The following MYH10 variants were observed in gnomAD, a reference collection of about 807,000 sequenced individuals.
MYH10 encodes myosin heavy chain 10, also known as myosin-10.
MYH10 carries 55 observed loss-of-function variants against 257.8 expected under a neutral mutation model. The ratio of observed to expected loss-of-function variants is 0.21; its 90% CI spans 0.17 to 0.27. MYH10 has a LOEUF of 0.27. MYH10 is among the 10% of genes least tolerant of loss of function. MYH10 has a pLI of 1.00. For synonymous variants in MYH10, 854 were observed against 921.7 expected, an observed-to-expected ratio of 0.93 and a Z score of 1.33; for missense variants, 1,631 against 2,500.6, an observed-to-expected ratio of 0.65 and a Z score of 7.42.
At position 8,477,158 on chromosome 17, in the gene MYH10, C is replaced by A; in HGVS notation, c.5707-110G>T. 1.6e-6 allele frequency: 2 copies of A among 1,237,000 alleles called. No individual in the cohort carries two copies. Among genetic ancestry groups the A allele is most frequent in the Non-Finnish European group, 2.3e-6 (2 of 883,658 alleles). 76.6% of individuals were successfully genotyped at this position (1,237,000 alleles called of 1,614,324 possible). A position where few individuals can be genotyped will look rare whatever the true frequency, so the allele number is the denominator to read the frequency against. On this transcript the variant is annotated intron_variant, in intron 41 of 42. Transcript: ENST00000360416. This position sits in a 1 kb window ranked among gnomAD's most constrained non-coding sequence, Gnocchi z 4.2. Reference sequence around the variant, plus strand: ...GCTCTGCCTGTTACCCTTGTGAGCACGCGTGTACACGGATGTACACGCGTG... The same window carrying A: ...GCTCTGCCTGTTACCCTTGTGAGCAAGCGTGTACACGGATGTACACGCGTG...
At position 8,535,654 on chromosome 17, in the gene MYH10, T is replaced by A; in HGVS notation, c.1779+104A>T. Reference sequence around the variant, plus strand: ...ATATGTTTGTAATATATACTGTATTTGTTTATAAATGTTTATCAGCACCTT... The same window carrying A: ...ATATGTTTGTAATATATACTGTATTAGTTTATAAATGTTTATCAGCACCTT... On this transcript the variant is annotated intron_variant, in intron 15 of 42. Coordinates refer to ENST00000360416, the MANE Select transcript of MYH10 (RefSeq NM_001256012.3). The surrounding 1 kb of genome is among the most constrained non-coding windows in gnomAD (Gnocchi z 4.3). 1.6e-6 allele frequency: 2 copies of A among 1,280,674 alleles called. No homozygotes were observed. The highest frequency in any genetic ancestry group is 3.0e-5 in the African/African-American group (2 of 67,132). 79.3% of individuals were successfully genotyped at this position (1,280,674 alleles called of 1,614,324 possible).
At chr17:8,549,282 C>A (rs954631009) in intron 9 of MYH10, among the ~76,000 whole-genome samples, 1 of 152,174 alleles carries the variant, frequency 6.6e-6, no homozygotes, top group African/African-American at 2.4e-5. Flanking sequence ...CGTCCCGAGC[C>A]CAGCAAAGGC....
At chr17:8,602,777 G>A (rs2084660349) in intron 3 of MYH10, among the ~76,000 whole-genome samples, 2 of 152,110 alleles carry the variant, frequency 1.3e-5, no homozygotes, top group Non-Finnish European at 2.9e-5. Flanking sequence ...TATACACTTT[G>A]TTGGTCAAGT....
intron 30 of MYH10, among the ~76,000 whole-genome samples, chr17:8,497,738 CAAAAAAA>C (rs559562540): frequency 1.8e-5 from 1 of 56,874 alleles, no homozygotes; most frequent in Non-Finnish European, 2.9e-5. Context: ...GACTCTGTCT[CAAAAAAA>C]AAAAAAAAAA....
At chr17:8,492,222 C>T in intron 34 of MYH10, 75 bp downstream of exon 34, 1 of 1,448,814 alleles carries the variant, frequency 6.9e-7, no homozygotes. Context: ...TGAGGAGTCG[C>T]CCGCTCCTGT....
intron 1 of MYH10, among the ~76,000 whole-genome samples, chr17:8,626,020 A>C (rs1415146722): frequency 6.6e-6 from 1 of 152,252 alleles, no homozygotes; most frequent in East Asian, 1.9e-4. Context: ...AAAAACCGCA[A>C]AATAAGATGA....
At chr17:8,599,739 C>A (rs1313829139) in intron 3 of MYH10, among the ~76,000 whole-genome samples, 1 of 152,126 alleles carries the variant, frequency 6.6e-6, no homozygotes, top group Non-Finnish European at 1.5e-5. Flanking sequence ...ATGTTAGGAG[C>A]CTATAAAAAG....
chr17:8,546,229 T>C (rs1463364577), intron 12 of MYH10, among the ~76,000 whole-genome samples: 1 of 152,066 alleles, frequency 6.6e-6, no homozygotes, highest in Non-Finnish European at 1.5e-5. Flanking sequence ...CGGCTAATTT[T>C]TGTATTTTTA....
At chr17:8,527,093 ATATAT>A (rs980020015) in intron 17 of MYH10, among the ~76,000 whole-genome samples, 1 of 152,198 alleles carries the variant, frequency 6.6e-6, no homozygotes, top group Non-Finnish European at 1.5e-5. Context: ...TTGGAAACAA[ATATAT>A]TTAACTATTA....
chr17:8,530,770 G>A (rs1260406497), intron 16 of MYH10, 85 bp from the exon 17 acceptor site: 5 of 1,044,384 alleles, frequency 4.8e-6, no homozygotes, highest in Non-Finnish European at 7.0e-6. Context: ...GACAGCACAA[G>A]TCAACTTTGA....
intron 28 of MYH10, among the ~76,000 whole-genome samples, chr17:8,502,470 G>T (rs1034628062): frequency 7.3e-6 from 1 of 137,622 alleles, no homozygotes; most frequent in African/African-American, 2.8e-5. Flanking sequence ...GTTGTCTTTT[G>T]GGAAAATAGT....
intron 3 of MYH10, among the ~76,000 whole-genome samples, chr17:8,589,846 C>G (rs532576188): frequency 6.6e-5 from 10 of 152,230 alleles, no homozygotes; most frequent in African/African-American, 2.4e-4. Flanking sequence ...GTAGAGGATG[C>G]AGAATTTCTA....
intron 7 of MYH10, among the ~76,000 whole-genome samples, chr17:8,565,554 T>C (rs2083137033): frequency 6.6e-6 from 1 of 152,232 alleles, no homozygotes; most frequent in African/African-American, 2.4e-5. Context: ...AAGTAAACAA[T>C]TTAAAGATAT....
In MYH10 at chr17:8,477,661, G is replaced by A. The variant is rs950123716; in HGVS notation, c.5707-613C>T. ...CCAAGGGTGGGGGTGGGAAGGGAAG[G>A]CCAGGTTGCCTGACTGAATGAATGA... On this transcript the variant is annotated intron_variant, in intron 41 of 42. Coordinates refer to ENST00000360416, the MANE Select transcript of MYH10 (RefSeq NM_001256012.3). This position sits in a 1 kb window ranked among gnomAD's most constrained non-coding sequence, Gnocchi z 4.2. Among the ~76,000 whole-genome samples, 1 of 152,168 alleles carries A rather than the reference G, an allele frequency of 6.6e-6. No homozygotes were observed. The highest frequency in any genetic ancestry group is 1.5e-5 in the Non-Finnish European group (1 of 68,028).
chr17:8,487,386 T>C (rs2151801998), intron 36 of MYH10, 47 bp downstream of exon 36: 1 of 1,609,544 alleles, frequency 6.2e-7, no homozygotes, highest in Non-Finnish European at 8.5e-7. Context: ...AAAAGCCACA[T>C]AGGTCACGTG....
In MYH10 at chr17:8,579,651, T is replaced by C. The variant is rs2083630260; in HGVS notation, c.531-2313A>G. Among the ~76,000 whole-genome samples, 3 of 152,356 alleles carry C rather than the reference T, an allele frequency of 2.0e-5. No homozygotes were observed. In the South Asian group the frequency reaches 6.2e-4, roughly 32 times the overall value. On this transcript the variant is annotated intron_variant, in intron 4 of 42. Transcript: ENST00000360416. ...TCCCTTCTGATTTGCCACCCACAAGTGTTTGAATCTTAGGTACTCCAATCT... is the reference window on the plus strand; with the variant it reads ...TCCCTTCTGATTTGCCACCCACAAGCGTTTGAATCTTAGGTACTCCAATCT...
At chr17:8,604,721 TA>T (rs898198960) in intron 3 of MYH10, 104 bp downstream of exon 3, 5 of 872,812 alleles carry the variant, frequency 5.7e-6, no homozygotes, top group Non-Finnish European at 7.8e-6. Flanking sequence ...TTATTAATTT[TA>T]AAAAAATAAA....
intron 2 of MYH10, among the ~76,000 whole-genome samples, chr17:8,608,860 G>T (rs1321881226): frequency 4.0e-5 from 6 of 151,544 alleles, no homozygotes; most frequent in Non-Finnish European, 4.4e-5. Flanking sequence ...CGCCAGGCTG[G>T]AGTGCAGTGG....
In MYH10 at chr17:8,477,721, C is replaced by T. The variant is rs1912916105; in HGVS notation, c.5706+617G>A. 6.6e-6 allele frequency among the ~76,000 whole-genome samples: 1 copy of T among 152,174 alleles called. No homozygotes were observed. Among genetic ancestry groups the T allele is most frequent in the Admixed American group, 6.5e-5 (1 of 15,286 alleles). On this transcript the variant is annotated intron_variant, in intron 41 of 42. Coordinates refer to ENST00000360416, the MANE Select transcript of MYH10 (RefSeq NM_001256012.3). This position sits in a 1 kb window ranked among gnomAD's most constrained non-coding sequence, Gnocchi z 4.2. ...GGGTTCGGGCCAAAGGCAGTGAAAT[C>T]CTCAGATCCATCCACCTTTCTGGCC...
Sources: allele counts gnomAD v4.1 joint callset (sites outside exome capture counted in the v4.1 genomes callset), GRCh38; gene constraint gnomAD v4.1.1; non-coding constraint Gnocchi (gnomAD v3.1); transcripts MANE v1.5; gene names NCBI Gene and HGNC (gene_info 2026-07-23, HGNC 2026-07-21).